CTSZ: variants seen among roughly 807,000 people sequenced by gnomAD.
The protein encoded by CTSZ is cathepsin Z, also known as carboxypeptidase LB.
CTSZ carries 39 observed loss-of-function variants against 32.4 expected under a neutral mutation model. The observed-to-expected ratio is 1.20, with a 90% CI of 0.93 to 1.57. The LOEUF (loss-of-function observed/expected upper bound fraction) is 1.57, where lower values mean the gene tolerates loss of function less well. Ranked by LOEUF, CTSZ falls within the 40% of genes most tolerant of loss-of-function variation. The pLI is 0.00. For synonymous variants in CTSZ, 168 were observed against 170.1 expected (o/e 0.99, Z 0.10); for missense variants, 397 against 419.6 (o/e 0.95, Z 0.47).
rs191633972 is a variant in CTSZ at position 58,996,208 on chromosome 20, C to T, written c.801+431G>A. ...TCTCTCCTGGATTTTTGGCCCAACT[C>T]GAGTATTTTTGAAAAACCGACACAG... On this transcript the variant is annotated intron_variant, in intron 5 of 5. Coordinates refer to ENST00000217131, the MANE Select transcript of CTSZ (RefSeq NM_001336.4). 8.5e-4 allele frequency among the ~76,000 whole-genome samples: 130 copies of T among 152,226 alleles called. 1 individual carries two copies. The highest frequency in any genetic ancestry group is 3.0e-3 in the African/African-American group (124 of 41,534).
In CTSZ at chr20:58,995,629, G is replaced by A; in HGVS notation, c.*20C>T. 6.2e-7 allele frequency: 1 copy of A among 1,608,006 alleles called. No individual in the cohort carries two copies. The highest frequency in any genetic ancestry group is 8.5e-7 in the Non-Finnish European group (1 of 1,174,642). On this transcript the variant is annotated 3_prime_UTR_variant, in exon 6 of 6. Transcript: ENST00000217131. Reference sequence around the variant, plus strand: ...GGGTCACCATGCCTTTTCTTAAACTGCGCTTCTAGTGACATGGCCTTAAAC... The same window carrying A: ...GGGTCACCATGCCTTTTCTTAAACTACGCTTCTAGTGACATGGCCTTAAAC...
At chr20:59,003,337 A>C (rs2091897366) in intron 2 of CTSZ, among the ~76,000 whole-genome samples, 3 of 152,196 alleles carry the variant, frequency 2.0e-5, no homozygotes, top group African/African-American at 7.2e-5. Flanking sequence ...CAGCTCACTG[A>C]GGTATGCACA....
At chr20:59,000,824 C>T (rs1023408046) in intron 3 of CTSZ, among the ~76,000 whole-genome samples, 4 of 146,486 alleles carry the variant, frequency 2.7e-5, no homozygotes, top group Non-Finnish European at 6.0e-5. Flanking sequence ...GGGACAGGGC[C>T]GGTATTTTTT....
intron 5 of CTSZ, 117 bp from the exon 6 acceptor site, chr20:58,995,876 T>TCCAGACAGC (rs1221485096): frequency 2.5e-6 from 2 of 810,024 alleles, no homozygotes; most frequent in African/African-American, 1.7e-5. Flanking sequence ...CCTTGGGGGA[T>TCCAGACAGC]CCAGACAGCC....
chr20:59,001,125 A>G (rs191490), intron 3 of CTSZ, among the ~76,000 whole-genome samples: 124,747 of 151,774 alleles, frequency 0.82, 51,464 homozygotes, highest in East Asian at 0.87. Flanking sequence ...CACCGCGCGC[A>G]TGGCCAAGGA....
Position 58,995,757 on chromosome 20 carries a change from GC to G in CTSZ, c.803del (p.Gly268AlafsTer6). 6.2e-7 allele frequency: 1 copy of G among 1,613,418 alleles called. No individual in the cohort carries two copies. Among genetic ancestry groups the G allele is most frequent in the Non-Finnish European group, 8.5e-7 (1 of 1,179,500 alleles). On this transcript the variant is annotated frameshift_variant and splice_region_variant, in exon 6 of 6. Transcript: ENST00000217131. LOFTEE classifies it high-confidence loss of function. The part of the protein sequence containing the change: ...IVRNSWGEPW[G>X]ERGWLRIVTS... ...TCACGATCCTCAGCCAGCCTCTCTC[GC>G]CCTGTGAGAAGTGGGATCGCGCGTC... is the stretch of plus-strand genomic sequence containing the variant.
intron 2 of CTSZ, among the ~76,000 whole-genome samples, chr20:59,003,478 G>A (rs765509029): frequency 6.6e-6 from 1 of 152,246 alleles, no homozygotes; most frequent in Non-Finnish European, 1.5e-5. Flanking sequence ...GCCAGGGTGT[G>A]CAGGAGGCTG....
In CTSZ at chr20:59,007,201, T is replaced by TGGATCCCGCCCC; in HGVS notation, c.-85_-74dup. The TGGATCCCGCCCC allele has an allele frequency of 7.8e-7, 1 of 1,274,456 alleles. No homozygotes were observed. Among genetic ancestry groups the TGGATCCCGCCCC allele is most frequent in the Non-Finnish European group, 9.8e-7 (1 of 1,018,564 alleles). 78.9% of individuals were successfully genotyped at this position (1,274,456 alleles called of 1,614,324 possible). On this transcript the variant is annotated 5_prime_UTR_variant, in exon 1 of 6. Coordinates refer to ENST00000217131, the MANE Select transcript of CTSZ (RefSeq NM_001336.4). ...CCAGATCCCGCGCCGGCTCCCGCTC[T>TGGATCCCGCCCC]GGATCCCGCCCCGGCCTCGGCCTCG...
intron 4 of CTSZ, chr20:58,997,340 T>G: frequency 6.1e-6 from 2 of 326,220 alleles, no homozygotes; most frequent in Admixed American, 4.8e-5. Flanking sequence ...CAACCATCCA[T>G]AGGGGCAGAC....
chr20:58,996,435 A>G (rs2091860492), intron 5 of CTSZ, among the ~76,000 whole-genome samples: 1 of 152,082 alleles, frequency 6.6e-6, no homozygotes, highest in South Asian at 2.1e-4. Flanking sequence ...TGAACACCCA[A>G]AGTGCACAGG....
chr20:59,006,934 C>A, intron 1 of CTSZ, 52 bp downstream of exon 1: 1 of 1,348,132 alleles, frequency 7.4e-7, no homozygotes. Flanking sequence ...CGCGCCTGGC[C>A]CGGGCGATGG....
At chr20:59,000,443 C>G (rs1007528176) in intron 3 of CTSZ, among the ~76,000 whole-genome samples, 3 of 152,192 alleles carry the variant, frequency 2.0e-5, no homozygotes, top group Non-Finnish European at 4.4e-5. Context: ...CTTTTCTTTC[C>G]TTCTGTTTCT....
At position 59,007,146 on chromosome 20, in the gene CTSZ, T is replaced by TGGGTCCCGCTCCGGATCCC; in HGVS notation, c.-37_-19dup. 1 of 1,338,862 alleles carries TGGGTCCCGCTCCGGATCCC rather than the reference T, an allele frequency of 7.5e-7. No homozygotes were observed. 82.9% of individuals were successfully genotyped at this position (1,338,862 alleles called of 1,614,324 possible). A position where few individuals can be genotyped will look rare whatever the true frequency, so the allele number is the denominator to read the frequency against. The stretch of plus-strand genomic sequence containing the variant: ...CTCGCCATGGCCCCGCGCCGGCTCC[T>TGGGTCCCGCTCCGGATCCC]GGGTCCCGCTCCGGATCCCGCTCCG... On this transcript the variant is annotated 5_prime_UTR_variant, in exon 1 of 6. Coordinates refer to ENST00000217131, the MANE Select transcript of CTSZ (RefSeq NM_001336.4).
chr20:59,004,546 G>A lies in CTSZ; in HGVS notation c.307+1776C>T, dbSNP rs1348167037. ...GGAGGGACTCCAGATACTTCCCTAG[G>A]GAGCCCAGAATTGGGGCGGGGTGGG... On this transcript the variant is annotated intron_variant, in intron 2 of 5. Coordinates refer to ENST00000217131, the MANE Select transcript of CTSZ (RefSeq NM_001336.4). This position sits in a 1 kb window ranked among gnomAD's most constrained non-coding sequence, Gnocchi z 5.6. Among the ~76,000 whole-genome samples, 1 of 152,068 alleles carries A rather than the reference G, an allele frequency of 6.6e-6. No individual in the cohort carries two copies. The highest frequency in any genetic ancestry group is 2.4e-5 in the African/African-American group (1 of 41,394).
chr20:58,995,866 C>T, intron 5 of CTSZ, 107 bp from the exon 6 acceptor site: 1 of 934,934 alleles, frequency 1.1e-6, no homozygotes, highest in Non-Finnish European at 1.7e-6. Flanking sequence ...CTCAGGCCAG[C>T]CTTGGGGGAT....
chr20:58,999,426 T>G (rs1299385393), intron 3 of CTSZ, among the ~76,000 whole-genome samples: 5 of 152,176 alleles, frequency 3.3e-5, no homozygotes, highest in African/African-American at 9.6e-5. Context: ...GAGAGCACTT[T>G]GGCGTGGAGT....
At chr20:58,996,508 A>T in intron 5 of CTSZ, 131 bp downstream of exon 5, 2 of 961,706 alleles carry the variant, frequency 2.1e-6, no homozygotes, top group East Asian at 2.4e-5. Context: ...GCGGTGGCTG[A>T]GACAGCTGGA....
chr20:58,995,770 T>C lies in CTSZ; in HGVS notation c.802-11A>G. Reference sequence around the variant, plus strand: ...CCAGCCTCTCTCGCCCTGTGAGAAGTGGGATCGCGCGTCAGCCCATCTGCA... The same window carrying C: ...CCAGCCTCTCTCGCCCTGTGAGAAGCGGGATCGCGCGTCAGCCCATCTGCA... On this transcript the variant is annotated splice_polypyrimidine_tract_variant and intron_variant, in intron 5 of 5. Transcript: ENST00000217131. 1.9e-6 allele frequency: 3 copies of C among 1,611,776 alleles called. No homozygotes were observed. Among genetic ancestry groups the C allele is most frequent in the South Asian group, 1.1e-5 (1 of 91,022 alleles).
rs536725277 is a variant in CTSZ, at chr20:59,006,913, G to A, written c.143+73C>T. 1.1e-4 allele frequency: 135 copies of A among 1,266,192 alleles called. 3 individuals carry two copies. In the South Asian group the frequency reaches 2.5e-3, roughly 24 times the overall value. 78.4% of individuals were successfully genotyped at this position (1,266,192 alleles called of 1,614,324 possible). On this transcript the variant is annotated intron_variant, in intron 1 of 5. Transcript: ENST00000217131. ...CCTGTTGGCGACGCAGGGCCCCCAG[G>A]AGGCAGAGCGCGCGCCTGGCCCGGG...
Sources: gnomAD v4.1 joint callset for allele counts (sites outside exome capture counted in the v4.1 genomes callset) on GRCh38, gnomAD v4.1.1 for gene constraint, Gnocchi (gnomAD v3.1) non-coding constraint, MANE v1.5 for transcripts, NCBI Gene and HGNC (gene_info 2026-07-23, HGNC 2026-07-21) for gene names.